CCNY: variants seen among roughly 807,000 people sequenced by gnomAD.
CCNY encodes the protein cyclin Y, also known as cyclin-Y.
Under a neutral mutation model 42.8 loss-of-function variants are expected in CCNY, and 19 were observed. The ratio of observed to expected loss-of-function variants is 0.44; its 90% CI spans 0.31 to 0.65. The LOEUF (loss-of-function observed/expected upper bound fraction) is 0.65, where lower values mean the gene tolerates loss of function less well. CCNY is among the 30% of genes least tolerant of loss of function. The probability of loss-of-function intolerance (pLI) is 0.07; values close to 1 mark genes in which losing one functional copy is unlikely to be tolerated. For synonymous variants in CCNY, 165 were observed against 162.7 expected (o/e 1.01, Z -0.11); for missense variants, 370 against 437.3 (o/e 0.85, Z 1.37).
At chr10:35,463,713 G>A (rs544218755) in intron 1 of CCNY, among the ~76,000 whole-genome samples, 1 of 152,168 alleles carries the variant, frequency 6.6e-6, no homozygotes, top group Non-Finnish European at 1.5e-5. Flanking sequence ...TCCTCAACTT[G>A]GAGAGAAAGG....
At chr10:35,308,919 G>A (rs976158546) in intron 3 of CCNY, among the ~76,000 whole-genome samples, 10 of 152,036 alleles carry the variant, frequency 6.6e-5, no homozygotes, top group African/African-American at 4.8e-5. Flanking sequence ...GGGTGAGAGT[G>A]ATCTCAGAGT....
At chr10:35,482,656 G>A (rs1290241701) in intron 1 of CCNY, among the ~76,000 whole-genome samples, 1 of 151,952 alleles carries the variant, frequency 6.6e-6, no homozygotes, top group Non-Finnish European at 1.5e-5. Flanking sequence ...ACTGTGAAGG[G>A]GTCACAGCTG....
At chr10:35,269,232 T>C (rs1565058604) in intron 3 of CCNY, among the ~76,000 whole-genome samples, 1 of 152,222 alleles carries the variant, frequency 6.6e-6, no homozygotes, top group African/African-American at 2.4e-5. Context: ...TGCGGCACAC[T>C]GAACACTGCT....
chr10:35,536,987 G>A (rs1423415473), intron 7 of CCNY, among the ~76,000 whole-genome samples: 1 of 152,168 alleles, frequency 6.6e-6, no homozygotes, highest in Non-Finnish European at 1.5e-5. Context: ...GGTCTTCAGG[G>A]CAACCCCTCC....
intron 1 of CCNY, among the ~76,000 whole-genome samples, chr10:35,413,289 T>C (rs961739207): frequency 6.6e-6 from 1 of 151,898 alleles, no homozygotes; most frequent in East Asian, 1.9e-4. Flanking sequence ...ATGGGGAGTT[T>C]AAAGGGGAAG....
intron 3 of CCNY, among the ~76,000 whole-genome samples, chr10:35,512,369 T>C (rs1330874218): frequency 1.3e-5 from 2 of 150,600 alleles, no homozygotes; most frequent in Admixed American, 6.6e-5. Context: ...TGGGTGAGAG[T>C]CCCCTGGGAA....
intron 3 of CCNY, among the ~76,000 whole-genome samples, chr10:35,503,315 T>C (rs1490662148): frequency 6.6e-6 from 1 of 152,206 alleles, no homozygotes; most frequent in Non-Finnish European, 1.5e-5. Context: ...TTGAGATCTC[T>C]GCAAATGCAC....
chr10:35,366,766 GGTA>G (rs778021085), intron 1 of CCNY, among the ~76,000 whole-genome samples: 7 of 152,144 alleles, frequency 4.6e-5, no homozygotes, highest in Non-Finnish European at 1.0e-4. Flanking sequence ...TGTCCAATGT[GGTA>G]GTCACTAGCC....
chr10:35,547,838 C>T (rs534966616), intron 7 of CCNY, among the ~76,000 whole-genome samples: 15 of 152,206 alleles, frequency 9.9e-5, no homozygotes, highest in African/African-American at 3.4e-4. Context: ...GGCTTCCTAT[C>T]CAGGGAAGAG....
At chr10:35,391,952 T>A (rs1837423105) in intron 1 of CCNY, among the ~76,000 whole-genome samples, 1 of 150,388 alleles carries the variant, frequency 6.6e-6, no homozygotes, top group Admixed American at 6.7e-5. Flanking sequence ...TGCCTGTTCC[T>A]AGTCACAGGA....
chr10:35,397,174 C>T (rs1837544588), intron 1 of CCNY, among the ~76,000 whole-genome samples: 1 of 152,194 alleles, frequency 6.6e-6, no homozygotes, highest in Admixed American at 6.5e-5. Context: ...TAGTAGGAAA[C>T]CTTTGTATTC....
In CCNY at chr10:35,462,646, C is replaced by G. The variant is rs545669602; in HGVS notation, c.155-20758C>G. 2.5e-4 allele frequency among the ~76,000 whole-genome samples: 38 copies of G among 152,334 alleles called. No homozygotes were observed. The South Asian group carries it at 7.9e-3, about 32-fold the overall frequency. ...CACTCACTGCTGCTGCAGCTGCTCT[C>G]TGTGACAGCTTCTCAGAGTGTGCGG... On this transcript the variant is annotated intron_variant, in intron 1 of 9. Transcript: ENST00000374704.
At chr10:35,252,766 G>A (rs980374903) in intron 3 of CCNY, among the ~76,000 whole-genome samples, 2 of 152,014 alleles carry the variant, frequency 1.3e-5, no homozygotes, top group Non-Finnish European at 2.9e-5. Flanking sequence ...CAACTGCATT[G>A]TTGTCATCCA....
At chr10:35,347,291 G>A (rs1001348188) in intron 1 of CCNY, 2 of 192,340 alleles carry the variant, frequency 1.0e-5, no homozygotes, top group African/African-American at 4.8e-5. Context: ...ATACAGCTGG[G>A]CACAGTAAGG....
chr10:35,358,074 T>C (rs555831056), intron 1 of CCNY, among the ~76,000 whole-genome samples: 2 of 152,282 alleles, frequency 1.3e-5, no homozygotes, highest in African/African-American at 4.8e-5. Flanking sequence ...TTAGAAATCA[T>C]TTTTCTCTTG....
intron 1 of CCNY, among the ~76,000 whole-genome samples, chr10:35,483,118 AT>A (rs1290555959): frequency 7.2e-5 from 11 of 152,122 alleles, no homozygotes; most frequent in African/African-American, 2.7e-4. Context: ...CTGTCCTGCT[AT>A]TTTATAGTAT....
chr10:35,248,830 C>T (rs896988353), intron 2 of CCNY, among the ~76,000 whole-genome samples: 1 of 152,126 alleles, frequency 6.6e-6, no homozygotes, highest in South Asian at 2.1e-4. Flanking sequence ...CACAGTGAGA[C>T]GTTGTCTCTA....
intron 3 of CCNY, among the ~76,000 whole-genome samples, chr10:35,292,535 A>AT (rs1262817970): frequency 6.6e-6 from 1 of 151,578 alleles, no homozygotes; most frequent in Non-Finnish European, 1.5e-5. Flanking sequence ...TAACTTTTGT[A>AT]TTATTAGTAG....
At chr10:35,551,520 GTTTAAT>G (rs1052947476) in intron 7 of CCNY, among the ~76,000 whole-genome samples, 3 of 151,764 alleles carry the variant, frequency 2.0e-5, no homozygotes, top group African/African-American at 7.3e-5. Context: ...GATGGTGTCT[GTTTAAT>G]TTTGTTTTTT....
Sources: allele counts gnomAD v4.1 joint callset (sites outside exome capture counted in the v4.1 genomes callset), GRCh38; gene constraint gnomAD v4.1.1; transcripts MANE v1.5; gene names NCBI Gene and HGNC (gene_info 2026-07-23, HGNC 2026-07-21).